Variants in SHISAL2B observed in about 807,000 individuals in gnomAD.
The protein encoded by SHISAL2B is protein shisa-like-2B.
A neutral mutation model predicts 16.5 loss-of-function variants in SHISAL2B; 12 were observed. The observed-to-expected ratio is 0.73, with a 90% confidence interval of 0.47 to 1.18. The LOEUF (loss-of-function observed/expected upper bound fraction) is 1.18. Among genes scored for constraint, SHISAL2B ranks in the 50% most tolerant of loss-of-function variants. The pLI is 0.00. For missense variants in SHISAL2B, 183 were observed against 193.6 expected (o/e 0.95, Z 0.33); for synonymous variants, 72 against 75.0 (o/e 0.96, Z 0.21).
Position 64,716,520 on chromosome 5 carries a change from G to T in SHISAL2B, c.350-1369G>T, listed in dbSNP as rs146943219. Among the ~76,000 whole-genome samples the T allele has an allele frequency of 1.2e-4, 19 of 152,250 alleles. No homozygotes were observed. The East Asian group carries it at 2.7e-3, about 22-fold the overall frequency. On this transcript the variant is annotated intron_variant, in intron 2 of 2. Coordinates refer to ENST00000389074, the MANE Select transcript of SHISAL2B (RefSeq NM_001164442.2). Reference sequence around the variant, plus strand: ...ATTATATTAGTTAATAAGTGCTTTGGGGGGAGAAATGGAGGACAGAAGGGG... The same window carrying T: ...ATTATATTAGTTAATAAGTGCTTTGTGGGGAGAAATGGAGGACAGAAGGGG...
intron 2 of SHISAL2B, among the ~76,000 whole-genome samples, chr5:64,708,865 T>C (rs1232277615): frequency 2.0e-5 from 3 of 152,138 alleles, no homozygotes; most frequent in African/African-American, 7.2e-5. Context: ...TAACTTATTT[T>C]ACTACCAAAA....
In SHISAL2B at chr5:64,717,849, T is replaced by G. The variant is rs1309207312; in HGVS notation, c.350-40T>G. On this transcript the variant is annotated intron_variant, in intron 2 of 2. Coordinates refer to ENST00000389074, the MANE Select transcript of SHISAL2B (RefSeq NM_001164442.2). ...GCAAATTTTTATAAGTGAAACGATG[T>G]CATAATTTCAAATAATTATTTTGTT... 3 of 1,474,822 alleles carry G rather than the reference T, an allele frequency of 2.0e-6. No individual in the cohort carries two copies. The African/African-American group carries it at 4.3e-5, about 21-fold the overall frequency. The allele number at this position is 1,474,822 out of a possible 1,614,324, so 91.4% of individuals were successfully genotyped here.
chr5:64,692,622 A>G (rs947787047), intron 1 of SHISAL2B, among the ~76,000 whole-genome samples: 4 of 152,196 alleles, frequency 2.6e-5, no homozygotes, highest in African/African-American at 7.2e-5. Context: ...GAGATTCTAT[A>G]GTGGCAGGAG....
intron 1 of SHISAL2B, among the ~76,000 whole-genome samples, chr5:64,691,076 T>C (rs113024807): frequency 9.2e-5 from 14 of 152,292 alleles, no homozygotes; most frequent in African/African-American, 2.9e-4. Flanking sequence ...CAGGGCGCAC[T>C]TGGGGCCCGC....
chr5:64,707,724 T>C (rs924081470), intron 2 of SHISAL2B, among the ~76,000 whole-genome samples: 17 of 152,318 alleles, frequency 1.1e-4, no homozygotes, highest in East Asian at 9.6e-4. Flanking sequence ...AAGCTGTAAA[T>C]AGCTTAAAAG....
intron 2 of SHISAL2B, among the ~76,000 whole-genome samples, chr5:64,716,138 A>G (rs1364391224): frequency 6.6e-6 from 1 of 152,210 alleles, no homozygotes; most frequent in Non-Finnish European, 1.5e-5. Context: ...TAGCAAGATT[A>G]AAACTTTTTC....
intron 2 of SHISAL2B, among the ~76,000 whole-genome samples, chr5:64,706,013 T>C (rs1267070597): frequency 6.6e-6 from 1 of 152,072 alleles, no homozygotes; most frequent in Non-Finnish European, 1.5e-5. Context: ...TTAAAAAAAT[T>C]AGCTGAGCAT....
chr5:64,707,689 G>A (rs1741893273), intron 2 of SHISAL2B, among the ~76,000 whole-genome samples: 1 of 152,198 alleles, frequency 6.6e-6, no homozygotes, highest in South Asian at 2.1e-4. Flanking sequence ...TTTGTTTACA[G>A]GAGTATACTT....
At chr5:64,693,136 T>C (rs1368962225) in intron 1 of SHISAL2B, among the ~76,000 whole-genome samples, 1 of 151,716 alleles carries the variant, frequency 6.6e-6, no homozygotes, top group African/African-American at 2.4e-5. Flanking sequence ...GCCTCCCGAG[T>C]AGCTGGGACT....
rs184376207 is a variant in SHISAL2B, at chr5:64,700,935, G to A, written c.349+5271G>A. ...ATGCTCCTTTGAGAGTCTAATGCCA[G>A]TGTTGATTTGACAGGAGGTGGAGCG... On this transcript the variant is annotated intron_variant, in intron 2 of 2. Transcript: ENST00000389074. 4.0e-3 allele frequency among the ~76,000 whole-genome samples: 606 copies of A among 152,310 alleles called. 1 individual carries two copies. Among genetic ancestry groups the A allele is most frequent in the African/African-American group, 0.014 (564 of 41,566 alleles).
chr5:64,700,612 C>T (rs1741795857), intron 2 of SHISAL2B, among the ~76,000 whole-genome samples: 1 of 152,070 alleles, frequency 6.6e-6, no homozygotes, highest in Non-Finnish European at 1.5e-5. Context: ...GAGGTTTCAC[C>T]ATGTTGGTCA....
At chr5:64,717,775 T>A in intron 2 of SHISAL2B, 114 bp from the exon 3 acceptor site, 1 of 926,658 alleles carries the variant, frequency 1.1e-6, no homozygotes, top group South Asian at 1.7e-5. Flanking sequence ...ACACATAGCA[T>A]TTTCAGGACA....
At chr5:64,712,550 T>TA (rs1303408681) in intron 2 of SHISAL2B, among the ~76,000 whole-genome samples, 7 of 151,086 alleles carry the variant, frequency 4.6e-5, no homozygotes, top group Non-Finnish European at 8.9e-5. Flanking sequence ...AGATGTCTAT[T>TA]AGGTCCACTT....
intron 2 of SHISAL2B, among the ~76,000 whole-genome samples, chr5:64,704,972 C>T (rs952734638): frequency 3.3e-5 from 5 of 152,102 alleles, no homozygotes; most frequent in South Asian, 2.1e-4. Context: ...GAAGAGAGAA[C>T]GCTAGAGGTG....
intron 2 of SHISAL2B, among the ~76,000 whole-genome samples, chr5:64,715,474 G>A (rs1308849061): frequency 1.3e-5 from 2 of 152,038 alleles, no homozygotes; most frequent in Non-Finnish European, 2.9e-5. Flanking sequence ...GAGAATTAGA[G>A]ACACTAGGCA....
chr5:64,714,965 G>A (rs1371570884), intron 2 of SHISAL2B, among the ~76,000 whole-genome samples: 12 of 152,238 alleles, frequency 7.9e-5, no homozygotes, highest in East Asian at 3.9e-4. Context: ...AGATGAACCC[G>A]GTACCTCAGA....
intron 2 of SHISAL2B, among the ~76,000 whole-genome samples, chr5:64,696,625 T>C (rs1358352206): frequency 6.6e-6 from 1 of 152,012 alleles, no homozygotes; most frequent in East Asian, 1.9e-4. Flanking sequence ...GTGTCTGTCT[T>C]ATGTGGTTGA....
intron 2 of SHISAL2B, 39 bp from the exon 3 acceptor site, chr5:64,717,850 C>A (rs1341733543): frequency 4.7e-6 from 7 of 1,475,540 alleles, no homozygotes; most frequent in African/African-American, 1.4e-5. Context: ...GAAACGATGT[C>A]ATAATTTCAA....
intron 2 of SHISAL2B, among the ~76,000 whole-genome samples, chr5:64,697,998 G>A (rs1741762271): frequency 6.6e-6 from 1 of 152,184 alleles, no homozygotes; most frequent in African/African-American, 2.4e-5. Context: ...GTTCTGTTTG[G>A]AGATTGCATG....
Sources: allele counts gnomAD v4.1 joint callset (sites outside exome capture counted in the v4.1 genomes callset), GRCh38; gene constraint gnomAD v4.1.1; transcripts MANE v1.5; gene names NCBI Gene and HGNC (gene_info 2026-07-23, HGNC 2026-07-21).